ZNF334: variants seen among roughly 807,000 people sequenced by gnomAD.
ZNF334 encodes the protein zinc finger protein 334.
Under a neutral mutation model 12.4 loss-of-function variants are expected in ZNF334, and 14 were observed. That is an observed-to-expected ratio of 1.13 (90% confidence interval 0.74 to 1.76). The LOEUF (loss-of-function observed/expected upper bound fraction) is 1.76. Ranked by LOEUF, ZNF334 falls within the 40% of genes most tolerant of loss-of-function variation. ZNF334 has a pLI of 0.00. For synonymous variants in ZNF334, 273 were observed against 269.6 expected (o/e 1.01, Z -0.12); for missense variants, 797 against 804.5 (o/e 0.99, Z 0.11).
At chr20:46,466,603 C>T in the ZNF334 span, among the ~76,000 whole-genome samples, 1 of 152,178 alleles carries the variant, frequency 6.6e-6, no homozygotes, top group South Asian at 2.1e-4. Context: ...CCTGCCTCAG[C>T]CTCCCGAGTA....
the ZNF334 span, among the ~76,000 whole-genome samples, chr20:46,468,668 A>C: frequency 6.6e-6 from 1 of 152,200 alleles, no homozygotes; most frequent in Non-Finnish European, 1.5e-5. Flanking sequence ...CCAGGTTGTC[A>C]GGCTGTTGCC....
the ZNF334 span, among the ~76,000 whole-genome samples, chr20:46,493,746 A>G: frequency 6.6e-6 from 1 of 152,236 alleles, no homozygotes; most frequent in African/African-American, 2.4e-5. Flanking sequence ...AAGGGAAAGC[A>G]GGAGCGTGGT....
At chr20:46,489,550 C>T in the ZNF334 span, among the ~76,000 whole-genome samples, 2 of 149,130 alleles carry the variant, frequency 1.3e-5, no homozygotes, top group African/African-American at 2.5e-5. Context: ...GCCAGCTACT[C>T]GAGAGGCTGA....
At chr20:46,486,791 T>C in the ZNF334 span, among the ~76,000 whole-genome samples, 1 of 152,152 alleles carries the variant, frequency 6.6e-6, no homozygotes. Context: ...TTGTCTTTCC[T>C]GCATCTCACC....
the ZNF334 span, among the ~76,000 whole-genome samples, chr20:46,486,880 T>G: frequency 1.3e-5 from 2 of 152,218 alleles, no homozygotes; most frequent in Non-Finnish European, 2.9e-5. Context: ...ATTTCCCTAA[T>G]AGTAAGATGA....
Position 46,501,692 on chromosome 20 carries a change from A to T in ZNF334, c.1647T>A (p.Cys549Ter). The part of the protein sequence containing the change: ...IWERPYECNE[C>*]GRTYCRKSAL... The stretch of plus-strand genomic sequence containing the variant: ...CTGACTTCCTGCAGTAGGTTCTCCC[A>T]CATTCATTGCATTCATATGGTCTCT... The change falls in exon 5 of 5, where the codon TGT (cysteine) becomes TGA (stop). Residue 549 changes from cysteine (C) to a stop codon, truncating the protein, a stop_gained. Transcript: ENST00000692313. LOFTEE classifies it low-confidence loss of function (END_TRUNC). 6.2e-7 allele frequency: 1 copy of T among 1,614,168 alleles called. No individual in the cohort carries two copies. The highest frequency in any genetic ancestry group is 8.5e-7 in the Non-Finnish European group (1 of 1,179,994).
chr20:46,474,270 G>C, the ZNF334 span, among the ~76,000 whole-genome samples: 1 of 152,078 alleles, frequency 6.6e-6, no homozygotes, highest in Admixed American at 6.5e-5. Context: ...CTACTTGGGA[G>C]GCTGAGGCAG....
At chr20:46,512,222 C>T (rs1371726478) in intron 1 of ZNF334, 82 bp from the exon 2 acceptor site, 20 of 1,047,472 alleles carry the variant, frequency 1.9e-5, no homozygotes, top group Non-Finnish European at 2.6e-5. Context: ...AAGCCACACA[C>T]CCATTTAAAA....
At position 46,503,012 on chromosome 20, in the gene ZNF334, A is replaced by T; in HGVS notation, c.327T>A (p.Ile109=). The T allele has an allele frequency of 6.2e-7, 1 of 1,613,890 alleles. No individual in the cohort carries two copies. The highest frequency in any genetic ancestry group is 8.5e-7 in the Non-Finnish European group (1 of 1,179,906). The change falls in exon 5 of 5, where the codon ATT becomes ATA. Residue 109 remains isoleucine (I), a synonymous_variant. Transcript: ENST00000692313. Reference sequence around the variant, plus strand: ...TCCCAAATACATTCTCTCTTTCTGTAATCAGTGTTTTGTTGCTGAAGAATA... The same window carrying T: ...TCCCAAATACATTCTCTCTTTCTGTTATCAGTGTTTTGTTGCTGAAGAATA... ...QTVFFSNKTL[I]TERENVFGKT...
chr20:46,501,763 C>A lies in ZNF334; in HGVS notation c.1576G>T (p.Val526Phe), dbSNP rs374488446. The A allele has an allele frequency of 1.2e-6, 2 of 1,614,112 alleles. No individual in the cohort carries two copies. Among genetic ancestry groups the A allele is most frequent in the East Asian group, 2.2e-5 (1 of 44,880 alleles). ...ACAATGAGGTGTGAGTTTTTGCTGA[C>A]GGCATGCCCATGTTCACTACACTCA... Reference protein sequence around the residue: ...LYECSEHGHAVSKNSHLIVHQ... With the variant: ...LYECSEHGHAFSKNSHLIVHQ... The change falls in exon 5 of 5, where the codon GTC becomes TTC. Residue 526 changes from valine (V) to phenylalanine (F), a missense_variant. Coordinates refer to ENST00000692313, the MANE Select transcript of ZNF334 (RefSeq NM_001353824.2).
chr20:46,510,634 G>A (rs1037382345), intron 2 of ZNF334, among the ~76,000 whole-genome samples: 3 of 151,696 alleles, frequency 2.0e-5, no homozygotes, highest in Admixed American at 1.3e-4. Context: ...GCTGAGGCAG[G>A]AGAATGGTGT....
At chr20:46,496,929 G>T (rs2061034951), downstream of ZNF334, among the ~76,000 whole-genome samples, 1 of 152,150 alleles carries the variant, frequency 6.6e-6, no homozygotes, top group Non-Finnish European at 1.5e-5. Flanking sequence ...TTCTCTTAGT[G>T]TTCACTTTCA....
chr20:46,504,255 T>A lies in ZNF334; in HGVS notation c.200A>T (p.Glu67Val). Residue 67 changes from glutamate to valine, a missense_variant, in exon 4 of 5, where the codon GAG becomes GTG. Glu to Val is a moderately radical substitution (Grantham distance 121). Coordinates refer to ENST00000692313, the MANE Select transcript of ZNF334 (RefSeq NM_001353824.2). ...DVIFKLEQGE[E>V]PWIVEEFSNQ... Reference sequence around the variant, plus strand: ...TGAGAATTCCTCCACTATCCATGGCTCTTCTCCTTGCTCCAATTTGAAAAT... The same window carrying A: ...TGAGAATTCCTCCACTATCCATGGCACTTCTCCTTGCTCCAATTTGAAAAT... 1 of 1,613,946 alleles carries A rather than the reference T, an allele frequency of 6.2e-7. No individual in the cohort carries two copies. The highest frequency in any genetic ancestry group is 8.5e-7 in the Non-Finnish European group (1 of 1,179,880).
At chr20:46,493,247 A>G in the ZNF334 span, among the ~76,000 whole-genome samples, 10 of 152,248 alleles carry the variant, frequency 6.6e-5, no homozygotes, top group Non-Finnish European at 1.3e-4. Flanking sequence ...GGATTAACAA[A>G]TAGAGGCAGC....
the ZNF334 span, among the ~76,000 whole-genome samples, chr20:46,472,436 G>A: frequency 1.3e-5 from 2 of 152,196 alleles, no homozygotes; most frequent in African/African-American, 2.4e-5. Context: ...TGAAATGGCA[G>A]GAGGTTAACA....
Position 46,501,125 on chromosome 20 carries a change from T to C in ZNF334, c.*171A>G. On this transcript the variant is annotated 3_prime_UTR_variant, in exon 5 of 5. Transcript: ENST00000692313. ...ATAATACATTTATTAAACAAATTATTTCTTTCCTACATGATTTCTCTGATG... is the reference window on the plus strand; with the variant it reads ...ATAATACATTTATTAAACAAATTATCTCTTTCCTACATGATTTCTCTGATG... 1 of 708,568 alleles carries C rather than the reference T, an allele frequency of 1.4e-6. No homozygotes were observed. The highest frequency in any genetic ancestry group is 2.2e-6 in the Non-Finnish European group (1 of 453,830). 43.9% of individuals were successfully genotyped at this position (708,568 alleles called of 1,614,324 possible).
chr20:46,496,158 G>C (rs182474007), downstream of ZNF334, among the ~76,000 whole-genome samples: 3 of 152,258 alleles, frequency 2.0e-5, no homozygotes, highest in African/African-American at 7.2e-5. Context: ...TATATGTCAA[G>C]CTGCTCCTTC....
chr20:46,496,523 T>C (rs2061028250), downstream of ZNF334, among the ~76,000 whole-genome samples: 1 of 152,096 alleles, frequency 6.6e-6, no homozygotes, highest in Non-Finnish European at 1.5e-5. Context: ...AGCAGGAGGG[T>C]GGTGCCTTTG....
At chr20:46,479,770 C>T in the ZNF334 span, among the ~76,000 whole-genome samples, 5 of 152,100 alleles carry the variant, frequency 3.3e-5, no homozygotes, top group East Asian at 7.7e-4. Flanking sequence ...TGAAAAGACA[C>T]ATTTACCATC....
Sources: allele counts gnomAD v4.1 joint callset (sites outside exome capture counted in the v4.1 genomes callset), GRCh38; gene constraint gnomAD v4.1.1; transcripts MANE v1.5; gene names NCBI Gene and HGNC (gene_info 2026-07-23, HGNC 2026-07-21).